ADAMTS18: variants seen among roughly 807,000 people sequenced by gnomAD.
ADAMTS18 encodes the protein ADAM metallopeptidase with thrombospondin type 1 motif 18.
In ADAMTS18, 157 loss-of-function variants were observed where a neutral mutation model predicts 165.9. That is an observed-to-expected ratio of 0.95 (90% CI 0.83 to 1.08). The LOEUF is 1.08. ADAMTS18 is among the 50% of genes least tolerant of loss of function. The pLI is 0.00. For synonymous variants in ADAMTS18, 782 were observed against 578.2 expected (o/e 1.35, Z -5.06); for missense variants, 2,040 against 1,534.0 (o/e 1.33, Z -5.51).
intron 10 of ADAMTS18, among the ~76,000 whole-genome samples, chr16:77,351,755 C>T (rs919582430): frequency 1.3e-5 from 2 of 151,942 alleles, no homozygotes; most frequent in Non-Finnish European, 2.9e-5. Flanking sequence ...GAAATAGGGT[C>T]TCAGTCTGTT....
At chr16:77,296,774 G>C (rs771480867) in intron 18 of ADAMTS18, among the ~76,000 whole-genome samples, 2 of 152,030 alleles carry the variant, frequency 1.3e-5, no homozygotes, top group Non-Finnish European at 2.9e-5. Context: ...GAGCTATCAT[G>C]AGGCCACTGT....
chr16:77,314,214 C>A (rs6564425), intron 16 of ADAMTS18, among the ~76,000 whole-genome samples: 76,640 of 151,900 alleles, frequency 0.5, 20,067 homozygotes, highest in Non-Finnish European at 0.54. Context: ...ATCAAGGCTG[C>A]AAACTCAAGT....
At position 77,282,900 on chromosome 16, in the gene ADAMTS18, T is replaced by TTC. The variant is rs1555507099; in HGVS notation, c.*1054_*1055dup. The TTC allele has an allele frequency of 0.091, 9,704 of 106,624 alleles. 934 individuals are homozygous for TTC. Among genetic ancestry groups the TTC allele is most frequent in the Middle Eastern group, 0.2 (33 of 168 alleles). The allele number at this position is 106,624 out of a possible 1,614,324, so 6.6% of individuals were successfully genotyped here. ...TTATTACCACTGTTTACTCCTTTCTTTCTCTCTTTTTTTTTTTTTTTTTTT... is the reference window on the plus strand; with the variant it reads ...TTATTACCACTGTTTACTCCTTTCTTTCTCTCTCTTTTTTTTTTTTTTTTTTT... On this transcript the variant is annotated 3_prime_UTR_variant, in exon 23 of 23. Transcript: ENST00000282849.
At chr16:77,424,373 C>A (rs1349306159) in intron 3 of ADAMTS18, among the ~76,000 whole-genome samples, 1 of 151,622 alleles carries the variant, frequency 6.6e-6, no homozygotes. Flanking sequence ...GAAGCTGAGG[C>A]AGGAGAATTG....
intron 3 of ADAMTS18, among the ~76,000 whole-genome samples, chr16:77,412,969 T>C (rs574904731): frequency 2.0e-5 from 3 of 152,258 alleles, no homozygotes; most frequent in African/African-American, 7.2e-5. Flanking sequence ...AGCTCTGTGA[T>C]TGCAAGCATG....
At position 77,367,449 on chromosome 16, in the gene ADAMTS18, C is replaced by G. The variant is rs891093965; in HGVS notation, c.770G>C (p.Arg257Pro). The G allele has an allele frequency of 8.7e-6, 14 of 1,614,044 alleles. No homozygotes were observed. Among genetic ancestry groups the G allele is most frequent in the Non-Finnish European group, 1.1e-5 (13 of 1,180,038 alleles). Residue 257 changes from arginine (R) to proline (P), a missense_variant, in exon 4 of 23, where the codon CGC becomes CCC. Physicochemically the swap from Arg to Pro is moderately radical, Grantham distance 103 (BLOSUM62 -2). Transcript: ENST00000282849. ...AAAGTTTCCTTACATACATTTCTTGCGTCGTCCACAAAAATGCTGCTTTTG... is the reference window on the plus strand; with the variant it reads ...AAAGTTTCCTTACATACATTTCTTGGGTCGTCCACAAAAATGCTGCTTTTG... ...RLQKQHFCGRRKKYAPKPPTE... is the reference protein window; with the variant it reads ...RLQKQHFCGRPKKYAPKPPTE...
intron 10 of ADAMTS18, among the ~76,000 whole-genome samples, chr16:77,345,778 A>G (rs1266286759): frequency 1.3e-5 from 2 of 152,208 alleles, no homozygotes; most frequent in African/African-American, 2.4e-5. Flanking sequence ...ATCATTATGG[A>G]GAGTTCTGCT....
At chr16:77,418,747 A>G (rs1439973504) in intron 3 of ADAMTS18, among the ~76,000 whole-genome samples, 5 of 152,236 alleles carry the variant, frequency 3.3e-5, no homozygotes, top group Admixed American at 3.3e-4. Flanking sequence ...ATGAATCTGA[A>G]AAGGGGACTA....
chr16:77,325,448 C>T (rs1248349061), intron 13 of ADAMTS18, among the ~76,000 whole-genome samples: 1 of 152,062 alleles, frequency 6.6e-6, no homozygotes, highest in Admixed American at 6.5e-5. Context: ...ACACACAGGC[C>T]TTCCCATGCT....
intron 3 of ADAMTS18, among the ~76,000 whole-genome samples, chr16:77,417,788 A>G (rs948361443): frequency 1.3e-5 from 2 of 152,240 alleles, no homozygotes; most frequent in Non-Finnish European, 2.9e-5. Flanking sequence ...TGGCCCAACT[A>G]CATACAATAG....
At chr16:77,352,696 C>T (rs949422212) in intron 10 of ADAMTS18, among the ~76,000 whole-genome samples, 5 of 152,058 alleles carry the variant, frequency 3.3e-5, no homozygotes, top group Admixed American at 1.3e-4. Flanking sequence ...AGAAGAGGAA[C>T]AGGAGTAGAG....
At chr16:77,414,646 T>C (rs889721865) in intron 3 of ADAMTS18, among the ~76,000 whole-genome samples, 1 of 152,102 alleles carries the variant, frequency 6.6e-6, no homozygotes, top group South Asian at 2.1e-4. Context: ...AAAAAAGAAA[T>C]AGGAGATTTC....
intron 8 of ADAMTS18, among the ~76,000 whole-genome samples, chr16:77,356,836 T>A (rs931436236): frequency 4.6e-5 from 7 of 152,114 alleles, no homozygotes; most frequent in Non-Finnish European, 1.0e-4. Flanking sequence ...ACAGGAAGAA[T>A]AAATGTGACA....
intron 10 of ADAMTS18, among the ~76,000 whole-genome samples, chr16:77,343,614 C>T (rs1424211672): frequency 6.6e-6 from 1 of 152,170 alleles, no homozygotes; most frequent in Non-Finnish European, 1.5e-5. Flanking sequence ...AAAGGCAGGC[C>T]TCAAGCTGGC....
intron 7 of ADAMTS18, among the ~76,000 whole-genome samples, chr16:77,360,885 G>C (rs542424379): frequency 6.6e-6 from 1 of 152,054 alleles, no homozygotes; most frequent in Non-Finnish European, 1.5e-5. Context: ...TCAGGAGTTC[G>C]AGACCAGCCT....
At chr16:77,314,657 A>AT (rs2055849366) in intron 16 of ADAMTS18, among the ~76,000 whole-genome samples, 2 of 95,364 alleles carry the variant, frequency 2.1e-5, no homozygotes, top group Non-Finnish European at 5.0e-5. Context: ...GTGTATATAT[A>AT]TATATGTACA....
chr16:77,321,340 C>G (rs571129721), intron 14 of ADAMTS18, 138 bp from the exon 15 acceptor site: 1 of 1,162,616 alleles, frequency 8.6e-7, no homozygotes, highest in East Asian at 2.5e-5. Flanking sequence ...ATCACAGCCT[C>G]AAGTTGGACT....
intron 4 of ADAMTS18, 21 bp downstream of exon 4, chr16:77,367,420 A>G (rs773311093): frequency 6.2e-7 from 1 of 1,613,992 alleles, no homozygotes; most frequent in Admixed American, 1.7e-5. Context: ...GAACAGAAAA[A>G]GAAAAAGTTT....
intron 3 of ADAMTS18, among the ~76,000 whole-genome samples, chr16:77,385,375 G>A (rs1403705281): frequency 1.3e-5 from 2 of 152,200 alleles, no homozygotes; most frequent in Non-Finnish European, 2.9e-5. Flanking sequence ...GACTTTCTGA[G>A]AAGGAATAGT....
Sources: allele counts gnomAD v4.1 joint callset (sites outside exome capture counted in the v4.1 genomes callset), GRCh38; gene constraint gnomAD v4.1.1; transcripts MANE v1.5; gene names NCBI Gene and HGNC (gene_info 2026-07-23, HGNC 2026-07-21).